ANO2: variants seen among roughly 807,000 people sequenced by gnomAD.
ANO2 encodes anoctamin-2.
In ANO2, 101 loss-of-function variants were observed where a neutral mutation model predicts 124.2. The ratio of observed to expected loss-of-function variants is 0.81; its 90% CI spans 0.69 to 0.96. ANO2 has a LOEUF of 0.96. ANO2 is among the 40% of genes least tolerant of loss of function. ANO2 has a pLI of 0.00. For synonymous variants in ANO2, 486 were observed against 482.5 expected (o/e 1.01, Z -0.09); for missense variants, 1,293 against 1,274.5 (o/e 1.01, Z -0.22).
At chr12:5,926,341 T>G (rs1942077136) in intron 1 of ANO2, among the ~76,000 whole-genome samples, 1 of 152,190 alleles carries the variant, frequency 6.6e-6, no homozygotes, top group African/African-American at 2.4e-5. Context: ...TCCCTGTCCC[T>G]GTTCCCCACA....
intron 10 of ANO2, among the ~76,000 whole-genome samples, chr12:5,762,192 A>G (rs1413611392): frequency 6.6e-6 from 1 of 152,034 alleles, no homozygotes; most frequent in East Asian, 1.9e-4. Flanking sequence ...GCATATCTAG[A>G]TCATTTCCAA....
chr12:5,905,234 G>C (rs1940591939), intron 3 of ANO2, among the ~76,000 whole-genome samples: 1 of 152,170 alleles, frequency 6.6e-6, no homozygotes, highest in African/African-American at 2.4e-5. Context: ...GCCACCTGGG[G>C]CTCTGGCAGG....
chr12:5,945,331 C>T, upstream of ANO2: 1 of 1,010,594 alleles, frequency 9.9e-7, no homozygotes, highest in Non-Finnish European at 1.2e-6. Context: ...CGCCCCTCGC[C>T]GGCTGCCGCC....
intron 10 of ANO2, among the ~76,000 whole-genome samples, chr12:5,767,651 G>A (rs546772895): frequency 1.1e-4 from 17 of 152,314 alleles, no homozygotes; most frequent in African/African-American, 3.4e-4. Flanking sequence ...ACAGTTGATG[G>A]TATCTCAGTC....
chr12:5,663,673 C>T (rs1218966871), intron 14 of ANO2, among the ~76,000 whole-genome samples: 1 of 152,284 alleles, frequency 6.6e-6, no homozygotes, highest in East Asian at 1.9e-4. Flanking sequence ...ACTGCTATGG[C>T]TCCCAGAACT....
chr12:5,707,677 C>T (rs1949663795), intron 14 of ANO2, among the ~76,000 whole-genome samples: 1 of 152,220 alleles, frequency 6.6e-6, no homozygotes, highest in African/African-American at 2.4e-5. Flanking sequence ...ATCCAATTCT[C>T]CAAGTTAAAC....
At chr12:5,938,708 C>A (rs1366529440) in intron 1 of ANO2, among the ~76,000 whole-genome samples, 1 of 152,014 alleles carries the variant, frequency 6.6e-6, no homozygotes, top group Admixed American at 6.6e-5. Context: ...ACCTGTAATC[C>A]CAGCTACTCA....
At chr12:5,771,857 C>G (rs1430318024) in intron 10 of ANO2, among the ~76,000 whole-genome samples, 1 of 152,144 alleles carries the variant, frequency 6.6e-6, no homozygotes. Flanking sequence ...ACAGAAAAGA[C>G]AGCGATGGTA....
chr12:5,640,938 A>G (rs1012099905), intron 15 of ANO2, among the ~76,000 whole-genome samples: 16 of 152,230 alleles, frequency 1.1e-4, no homozygotes, highest in South Asian at 4.1e-4. Context: ...TGTTTATTGC[A>G]GCACTATTCA....
At chr12:5,889,945 CAG>C in intron 3 of ANO2, among the ~76,000 whole-genome samples, 1 of 152,314 alleles carries the variant, frequency 6.6e-6, no homozygotes, top group South Asian at 2.1e-4. Flanking sequence ...GAAAGACAAT[CAG>C]AGGCAATGTG....
chr12:5,747,466 A>C (rs1324544354), intron 11 of ANO2, among the ~76,000 whole-genome samples: 1 of 152,226 alleles, frequency 6.6e-6, no homozygotes. Flanking sequence ...TTTAAAAAAC[A>C]GTTCCTCTGT....
rs1036563659 is a variant in ANO2, at chr12:5,628,110, AAG to A, written c.1816+7040_1816+7041del. ...GTGAGACCCTGTCTATTTTTGAAAA[AAG>A]AGAGAGAGATTCCTGGTGGCCTTTC... On this transcript the variant is annotated intron_variant, in intron 16 of 24. Transcript: ENST00000682330. 1.4e-4 allele frequency among the ~76,000 whole-genome samples: 21 copies of A among 152,104 alleles called. 1 individual carries two copies. Among genetic ancestry groups the A allele is most frequent in the Admixed American group, 2.0e-4 (3 of 15,262 alleles).
At chr12:5,759,708 A>T (rs1252917389) in intron 10 of ANO2, among the ~76,000 whole-genome samples, 2 of 151,472 alleles carry the variant, frequency 1.3e-5, no homozygotes, top group African/African-American at 2.4e-5. Flanking sequence ...CAGCCTGTGG[A>T]AAAATTATCT....
Position 5,609,750 on chromosome 12 carries a change from C to A in ANO2, c.2087+2906G>T, listed in dbSNP as rs901014604. Among the ~76,000 whole-genome samples the A allele has an allele frequency of 1.2e-4, 18 of 151,760 alleles. No homozygotes were observed. The Admixed American group carries it at 1.2e-3, about 10-fold the overall frequency. On this transcript the variant is annotated intron_variant, in intron 19 of 24. Coordinates refer to ENST00000682330, the MANE Select transcript of ANO2 (RefSeq NM_001364791.2). ...GCCCTTACCAGGTCCCTGACACACC[C>A]CAAGACCCTGGTCAAAGAACTGCCA...
At chr12:5,859,924 C>T (rs150526910) in intron 3 of ANO2, among the ~76,000 whole-genome samples, 65 of 152,292 alleles carry the variant, frequency 4.3e-4, no homozygotes, top group African/African-American at 1.4e-3. Flanking sequence ...CACAAAGAGG[C>T]TAAGTTACGT....
intron 4 of ANO2, among the ~76,000 whole-genome samples, chr12:5,833,480 G>A (rs972088238): frequency 6.6e-6 from 1 of 152,166 alleles, no homozygotes; most frequent in African/African-American, 2.4e-5. Context: ...TGGATCTGTG[G>A]ATGTTTAACC....
intron 15 of ANO2, among the ~76,000 whole-genome samples, chr12:5,643,908 T>C (rs1305058095): frequency 6.6e-6 from 1 of 152,206 alleles, no homozygotes; most frequent in Non-Finnish European, 1.5e-5. Flanking sequence ...TAATTCTTTA[T>C]ATATGTTAAG....
chr12:5,869,170 C>T (rs749793752), intron 3 of ANO2, among the ~76,000 whole-genome samples: 4 of 152,082 alleles, frequency 2.6e-5, no homozygotes, highest in Admixed American at 2.6e-4. Context: ...CAGGGCCATT[C>T]GCACTCTCCA....
intron 14 of ANO2, among the ~76,000 whole-genome samples, chr12:5,654,737 T>C (rs1947073992): frequency 6.6e-6 from 1 of 152,242 alleles, no homozygotes; most frequent in Admixed American, 6.5e-5. Context: ...AATGTTGATA[T>C]TTGGAACTCT....
Sources: gnomAD v4.1 joint callset for allele counts (sites outside exome capture counted in the v4.1 genomes callset) on GRCh38, gnomAD v4.1.1 for gene constraint, MANE v1.5 for transcripts, NCBI Gene and HGNC (gene_info 2026-07-23, HGNC 2026-07-21) for gene names.